Variants in SSUH2 observed in about 807,000 individuals in gnomAD.
SSUH2 encodes the protein ssu-2 homolog, also known as protein SSUH2 homolog.
In SSUH2, 47 loss-of-function variants were observed where a neutral mutation model predicts 55.3. The observed-to-expected ratio is 0.85, with a 90% CI of 0.67 to 1.08. SSUH2 has a LOEUF of 1.08. Ranked by LOEUF, SSUH2 falls within the 50% of genes least tolerant of loss-of-function variation. The pLI is 0.00. For missense variants in SSUH2, 535 were observed against 490.7 expected, an observed-to-expected ratio of 1.09 and a Z score of -0.85; for synonymous variants, 212 against 191.5, an observed-to-expected ratio of 1.11 and a Z score of -0.89.
At chr3:8,638,676 A>G (rs1224826551) in intron 1 of SSUH2, among the ~76,000 whole-genome samples, 2 of 152,256 alleles carry the variant, frequency 1.3e-5, no homozygotes, top group South Asian at 4.1e-4. Context: ...ATGTGTGCAT[A>G]GTCCTTAGTC....
chr3:8,639,483 A>G (rs1700475162), intron 1 of SSUH2, among the ~76,000 whole-genome samples: 1 of 152,198 alleles, frequency 6.6e-6, no homozygotes. Context: ...TGACCTTTCT[A>G]CTTAGCTGAA....
upstream of SSUH2, among the ~76,000 whole-genome samples, chr3:8,646,128 G>C (rs1701649815): frequency 6.6e-6 from 1 of 152,064 alleles, no homozygotes; most frequent in South Asian, 2.1e-4. Context: ...ATGGTAAATG[G>C]GGTTATCATG....
intron 11 of SSUH2, among the ~76,000 whole-genome samples, chr3:8,620,637 C>A (rs1053804351): frequency 6.6e-6 from 1 of 152,206 alleles, no homozygotes; most frequent in African/African-American, 2.4e-5. Context: ...TAGGTTTCAC[C>A]AAGTGGGCAC....
chr3:8,676,333 C>T (rs1304953931), intron 3 of SSUH2, among the ~76,000 whole-genome samples: 2 of 151,988 alleles, frequency 1.3e-5, no homozygotes, highest in East Asian at 2.0e-4. Flanking sequence ...CGTGTCATAT[C>T]CTCCTCTCCC....
In SSUH2 at chr3:8,634,512, A is replaced by C. The variant is rs572770023; in HGVS notation, c.210-717T>G. The stretch of plus-strand genomic sequence containing the variant: ...GAGCCATTAATCCACAATTCTGCAC[A>C]CTTGTATCTCCAGCATCCTCCAGCC... On this transcript the variant is annotated intron_variant, in intron 3 of 11. Transcript: ENST00000544814. 82 of 1,289,666 alleles carry C rather than the reference A, an allele frequency of 6.4e-5. 1 individual carries two copies. In the African/African-American group the frequency reaches 1.0e-3, roughly 16 times the overall value. 79.9% of individuals were successfully genotyped at this position (1,289,666 alleles called of 1,614,324 possible). A position where few individuals can be genotyped will look rare whatever the true frequency, so the allele number is the denominator to read the frequency against.
At chr3:8,662,536 G>A (rs1037309904) in intron 6 of SSUH2, among the ~76,000 whole-genome samples, 6 of 152,212 alleles carry the variant, frequency 3.9e-5, no homozygotes, top group African/African-American at 1.4e-4. Flanking sequence ...ACTGAGGCAA[G>A]TATACAGCGA....
At chr3:8,634,756 T>C in intron 3 of SSUH2, 4 of 386,302 alleles carry the variant, frequency 1.0e-5, no homozygotes, top group Non-Finnish European at 2.0e-5. Flanking sequence ...AGAGGCTGGA[T>C]TGAAATAGGG....
intron 2 of SSUH2, among the ~76,000 whole-genome samples, chr3:8,679,019 TCC>T (rs770224925): frequency 2.2e-5 from 2 of 89,674 alleles, no homozygotes; most frequent in Non-Finnish European, 5.0e-5. Context: ...CAGCCCCTCT[TCC>T]CCCCCTGGCT....
chr3:8,624,418 A>T (rs1222951482), intron 10 of SSUH2, among the ~76,000 whole-genome samples: 1 of 152,180 alleles, frequency 6.6e-6, no homozygotes, highest in African/African-American at 2.4e-5. Context: ...CCCAGGGGGA[A>T]ATCCCTAACT....
chr3:8,665,434 A>T (rs1188219877), intron 5 of SSUH2, among the ~76,000 whole-genome samples: 1 of 152,206 alleles, frequency 6.6e-6, no homozygotes, highest in African/African-American at 2.4e-5. Flanking sequence ...TTCATTCTGC[A>T]GTCTCTGTCC....
intron 11 of SSUH2, 37 bp from the exon 12 acceptor site, chr3:8,620,051 C>G: frequency 2.5e-6 from 4 of 1,608,548 alleles, no homozygotes; most frequent in Non-Finnish European, 3.4e-6. Context: ...TGTCAGTGTT[C>G]TGTTCAAGTC....
chr3:8,644,860 T>C (rs1400466877), upstream of SSUH2: 13 of 957,906 alleles, frequency 1.4e-5, no homozygotes, highest in South Asian at 8.3e-5. Context: ...AGCAGGCCCA[T>C]TGTTACCCAG....
At chr3:8,649,499 C>T (rs1702138621), upstream of SSUH2, among the ~76,000 whole-genome samples, 1 of 152,160 alleles carries the variant, frequency 6.6e-6, no homozygotes, top group Admixed American at 6.5e-5. Context: ...GCTTTGACCT[C>T]TCCTCTGAAC....
intron 6 of SSUH2, among the ~76,000 whole-genome samples, chr3:8,630,360 G>A (rs747433241): frequency 5.3e-5 from 8 of 152,162 alleles, no homozygotes; most frequent in Non-Finnish European, 1.2e-4. Flanking sequence ...TTCACGCCAC[G>A]AATATATGTC....
At chr3:8,671,554 T>TAC (rs1319618996) in intron 4 of SSUH2, among the ~76,000 whole-genome samples, 4 of 150,204 alleles carry the variant, frequency 2.7e-5, no homozygotes, top group Admixed American at 1.3e-4. Flanking sequence ...CCACAAGGTG[T>TAC]ACACACATTG....
chr3:8,670,809 T>C (rs1704484272), intron 5 of SSUH2, among the ~76,000 whole-genome samples: 1 of 152,080 alleles, frequency 6.6e-6, no homozygotes, highest in South Asian at 2.1e-4. Flanking sequence ...ATACATCCCC[T>C]TGACAATAGT....
rs937739481 is a variant in SSUH2 at position 8,619,414 on chromosome 3, T to A, written c.*454A>T. 1.5e-4 allele frequency: 23 copies of A among 157,122 alleles called. No individual in the cohort carries two copies. Among genetic ancestry groups the A allele is most frequent in the Non-Finnish European group, 9.8e-5 (7 of 71,496 alleles). The allele number at this position is 157,122 out of a possible 1,614,324, so 9.7% of individuals were successfully genotyped here. On this transcript the variant is annotated 3_prime_UTR_variant, in exon 12 of 12. Transcript: ENST00000544814. The stretch of plus-strand genomic sequence containing the variant: ...GCAGTAACATATTGCACTTTATGCC[T>A]AAGTGCAGTATTTATTGTGCATTAG...
At chr3:8,636,330 A>C (rs1035879117) in intron 1 of SSUH2, among the ~76,000 whole-genome samples, 1 of 152,096 alleles carries the variant, frequency 6.6e-6, no homozygotes, top group Non-Finnish European at 1.5e-5. Flanking sequence ...AGGAGACCCT[A>C]AGACTACATG....
In SSUH2 at chr3:8,664,493, T is replaced by G. The variant is rs544051706; in HGVS notation, c.-454-691A>C. ...TCTGAGCAATTTTTTTTTACCACAT[T>G]TATGCCTTTAAAAAGCATGTATCCA... is the stretch of plus-strand genomic sequence containing the variant. On this transcript the variant is annotated intron_variant, in intron 5 of 18. Coordinates refer to the SSUH2 transcript ENST00000317371. 4.3e-4 allele frequency among the ~76,000 whole-genome samples: 66 copies of G among 152,308 alleles called. No individual in the cohort carries two copies. In the Middle Eastern group the frequency reaches 0.01, roughly 24 times the overall value.
Sources: allele counts gnomAD v4.1 joint callset (sites outside exome capture counted in the v4.1 genomes callset), GRCh38; gene constraint gnomAD v4.1.1; transcripts MANE v1.5; gene names NCBI Gene and HGNC (gene_info 2026-07-23, HGNC 2026-07-21).